Variants in RIMS1 observed in about 807,000 individuals in gnomAD.
RIMS1 encodes regulating synaptic membrane exocytosis protein 1.
A neutral mutation model predicts 214.1 loss-of-function variants in RIMS1; 83 were observed. That is an observed-to-expected ratio of 0.39 (90% CI 0.32 to 0.47). The LOEUF (loss-of-function observed/expected upper bound fraction) is 0.47. Among genes scored for constraint, RIMS1 ranks in the 20% least tolerant of loss-of-function variants. The probability of loss-of-function intolerance (pLI) is 0.99; values close to 1 mark genes in which losing one functional copy is unlikely to be tolerated. For missense variants in RIMS1, 2,050 were observed against 2,161.8 expected, an observed-to-expected ratio of 0.95 and a Z score of 1.03; for synonymous variants, 793 against 786.8, an observed-to-expected ratio of 1.01 and a Z score of -0.13.
At chr6:72,160,296 G>C (rs1378293684) in intron 4 of RIMS1, among the ~76,000 whole-genome samples, 1 of 139,198 alleles carries the variant, frequency 7.2e-6, no homozygotes, top group Non-Finnish European at 1.6e-5. Flanking sequence ...GAGACAATGG[G>C]GTTTTCTAGA....
intron 29 of RIMS1, among the ~76,000 whole-genome samples, chr6:72,342,196 A>G (rs2097114981): frequency 6.6e-6 from 1 of 151,784 alleles, no homozygotes. Context: ...CTCTGACTTC[A>G]CTGTCAACTT....
At chr6:72,013,813 CA>C (rs1811738410) in intron 2 of RIMS1, among the ~76,000 whole-genome samples, 1 of 152,196 alleles carries the variant, frequency 6.6e-6, no homozygotes, top group South Asian at 2.1e-4. Flanking sequence ...GTGCAACCTT[CA>C]CCACTATGTA....
At chr6:72,002,456 A>C (rs1224178595) in intron 2 of RIMS1, among the ~76,000 whole-genome samples, 1 of 152,178 alleles carries the variant, frequency 6.6e-6, no homozygotes, top group Non-Finnish European at 1.5e-5. Context: ...TAAAGATAAA[A>C]TGTTTAAAAA....
chr6:72,354,555 TAC>T (rs1396775992), intron 29 of RIMS1, among the ~76,000 whole-genome samples: 1 of 152,260 alleles, frequency 6.6e-6, no homozygotes, highest in Non-Finnish European at 1.5e-5. Context: ...TGGAATTGCA[TAC>T]ATTTTGTTTC....
At chr6:72,119,262 G>A (rs2037723080) in intron 4 of RIMS1, among the ~76,000 whole-genome samples, 1 of 151,154 alleles carries the variant, frequency 6.6e-6, no homozygotes, top group Admixed American at 6.6e-5. Flanking sequence ...AACCAAGCAG[G>A]TAAAAGACCT....
intron 2 of RIMS1, among the ~76,000 whole-genome samples, chr6:71,974,445 G>A (rs79568229): frequency 0.069 from 10,507 of 152,094 alleles, 447 homozygotes; most frequent in Middle Eastern, 0.11. Context: ...TTAATACTGC[G>A]TTTTATTTTG....
At chr6:72,330,033 TAGA>T (rs1303697035) in intron 28 of RIMS1, among the ~76,000 whole-genome samples, 2 of 151,844 alleles carry the variant, frequency 1.3e-5, no homozygotes, top group Admixed American at 6.6e-5. Context: ...TCAGTTCATG[TAGA>T]AGAATATAGG....
At chr6:72,188,182 C>G (rs2049444912) in intron 6 of RIMS1, among the ~76,000 whole-genome samples, 1 of 152,214 alleles carries the variant, frequency 6.6e-6, no homozygotes, top group African/African-American at 2.4e-5. Flanking sequence ...CCTTTGGCAA[C>G]ACCCTCACAG....
chr6:71,971,779 T>C (rs1795924448), intron 2 of RIMS1, among the ~76,000 whole-genome samples: 1 of 152,154 alleles, frequency 6.6e-6, no homozygotes, highest in Non-Finnish European at 1.5e-5. Context: ...ACTTATTCAC[T>C]ATCATGAGAA....
At chr6:72,341,141 G>A (rs2097073599) in intron 29 of RIMS1, among the ~76,000 whole-genome samples, 1 of 152,064 alleles carries the variant, frequency 6.6e-6, no homozygotes, top group African/African-American at 2.4e-5. Context: ...TTTGTATCCT[G>A]AGACTTTGCT....
At chr6:72,113,478 C>A (rs756913265) in intron 4 of RIMS1, among the ~76,000 whole-genome samples, 16 of 152,038 alleles carry the variant, frequency 1.1e-4, no homozygotes, top group African/African-American at 3.9e-4. Flanking sequence ...TAAAGTTGAA[C>A]TTTTGGAAAA....
intron 1 of RIMS1, among the ~76,000 whole-genome samples, chr6:71,912,901 C>G (rs945232051): frequency 6.6e-6 from 1 of 152,078 alleles, no homozygotes; most frequent in Non-Finnish European, 1.5e-5. Context: ...AAGACCAATA[C>G]CTTTATTTCA....
chr6:72,255,584 T>A (rs149390068), intron 16 of RIMS1, among the ~76,000 whole-genome samples: 4 of 152,266 alleles, frequency 2.6e-5, no homozygotes, highest in African/African-American at 9.6e-5. Flanking sequence ...TTATTGTTAT[T>A]TAAAGTAAAT....
chr6:72,370,373 G>T (rs769980228), intron 29 of RIMS1, among the ~76,000 whole-genome samples: 1 of 152,112 alleles, frequency 6.6e-6, no homozygotes, highest in African/African-American at 2.4e-5. Flanking sequence ...AAGACCATTC[G>T]GGACCTTTGC....
chr6:72,163,666 TG>T (rs1173194849), intron 4 of RIMS1, among the ~76,000 whole-genome samples: 2 of 140,908 alleles, frequency 1.4e-5, no homozygotes, highest in African/African-American at 4.9e-5. Flanking sequence ...CCTGTTTGCC[TG>T]GGTATCATCA....
At chr6:72,216,108 G>T (rs1401265641) in intron 6 of RIMS1, among the ~76,000 whole-genome samples, 1 of 152,048 alleles carries the variant, frequency 6.6e-6, no homozygotes, top group Non-Finnish European at 1.5e-5. Context: ...TCTGAATGTT[G>T]TACTACAATA....
intron 6 of RIMS1, among the ~76,000 whole-genome samples, chr6:72,190,009 A>T (rs1391120219): frequency 6.6e-6 from 1 of 152,148 alleles, no homozygotes; most frequent in African/African-American, 2.4e-5. Context: ...CAAGTCCCTG[A>T]CCATCCAGCC....
chr6:72,221,291 A>AGAGTGT (rs1554289629), intron 6 of RIMS1, among the ~76,000 whole-genome samples: 414 of 138,622 alleles, frequency 3.0e-3, no homozygotes, highest in African/African-American at 1.0e-2. Flanking sequence ...ATCTGGGGTG[A>AGAGTGT]GTGTGTGTGT....
chr6:72,303,169 A>G (rs1479464327), intron 26 of RIMS1, among the ~76,000 whole-genome samples: 2 of 151,060 alleles, frequency 1.3e-5, no homozygotes, highest in Non-Finnish European at 3.0e-5. Flanking sequence ...TGATAAGTCA[A>G]AGAGGTTTCC....
Sources: gnomAD v4.1 joint callset for allele counts (sites outside exome capture counted in the v4.1 genomes callset) on GRCh38, gnomAD v4.1.1 for gene constraint, MANE v1.5 for transcripts, NCBI Gene and HGNC (gene_info 2026-07-23, HGNC 2026-07-21) for gene names.